Variants in MYO9A observed in about 807,000 individuals in gnomAD.
MYO9A encodes the protein myosin IXA, also known as unconventional myosin-IXa.
MYO9A carries 103 observed loss-of-function variants against 293.3 expected under a neutral mutation model. The observed-to-expected ratio is 0.35, with a 90% CI of 0.30 to 0.41. The LOEUF is 0.41. Ranked by LOEUF, MYO9A falls within the 10% of genes least tolerant of loss-of-function variation. MYO9A has a pLI of 1.00. For missense variants in MYO9A, 2,685 were observed against 3,033.0 expected (o/e 0.89, Z 2.69); for synonymous variants, 1,001 against 1,035.7 (o/e 0.97, Z 0.64).
intron 15 of MYO9A, among the ~76,000 whole-genome samples, chr15:71,944,061 G>C (rs1025086189): frequency 6.6e-6 from 1 of 151,992 alleles, no homozygotes; most frequent in East Asian, 1.9e-4. Context: ...CACTATAGAC[G>C]TATTAGTGAC....
chr15:72,021,021 T>G lies in MYO9A; in HGVS notation c.999-4A>C. The G allele has an allele frequency of 2.6e-6, 4 of 1,540,258 alleles. No homozygotes were observed. Among genetic ancestry groups the G allele is most frequent in the Non-Finnish European group, 3.5e-6 (4 of 1,147,018 alleles). ...GTAATAGAATACATGATAGTTCCTGTGGGAAACAAAGAAGTACAAGTTTCA... is the reference window on the plus strand; with the variant it reads ...GTAATAGAATACATGATAGTTCCTGGGGGAAACAAAGAAGTACAAGTTTCA... On this transcript the variant is annotated splice_region_variant and splice_polypyrimidine_tract_variant and intron_variant, in intron 4 of 41. Coordinates refer to ENST00000356056, the MANE Select transcript of MYO9A (RefSeq NM_006901.4).
chr15:71,857,155 A>C (rs2055896341), intron 34 of MYO9A, among the ~76,000 whole-genome samples: 1 of 152,220 alleles, frequency 6.6e-6, no homozygotes. Flanking sequence ...TTAGGTATTA[A>C]ACAAAAACTT....
intron 1 of MYO9A, among the ~76,000 whole-genome samples, chr15:72,068,585 C>A (rs1056049731): frequency 3.3e-5 from 5 of 152,024 alleles, no homozygotes; most frequent in African/African-American, 1.2e-4. Flanking sequence ...CCCACCTCAG[C>A]CCCCCAGGTA....
chr15:72,078,752 A>C (rs1156459084), intron 1 of MYO9A, among the ~76,000 whole-genome samples: 1 of 152,256 alleles, frequency 6.6e-6, no homozygotes, highest in Non-Finnish European at 1.5e-5. Flanking sequence ...TCAAAAGGTG[A>C]ATAAACAAAC....
chr15:72,030,884 G>C (rs1019523072), intron 3 of MYO9A, among the ~76,000 whole-genome samples: 2 of 152,078 alleles, frequency 1.3e-5, no homozygotes, highest in Non-Finnish European at 2.9e-5. Context: ...AGAAGACAGG[G>C]GGCCCCAACC....
At chr15:72,041,473 T>C in intron 2 of MYO9A, 1 of 358,446 alleles carries the variant, frequency 2.8e-6, no homozygotes, top group South Asian at 2.2e-5. Context: ...AAAACAGCAA[T>C]TCCAACAAGG....
At chr15:71,873,335 T>C (rs1205967298) in intron 32 of MYO9A, among the ~76,000 whole-genome samples, 1 of 152,208 alleles carries the variant, frequency 6.6e-6, no homozygotes, top group Non-Finnish European at 1.5e-5. Flanking sequence ...TCCCAATCTA[T>C]TTAGGTTGTT....
chr15:71,902,668 T>G (rs1035685450), intron 22 of MYO9A, among the ~76,000 whole-genome samples: 10 of 152,164 alleles, frequency 6.6e-5, no homozygotes, highest in African/African-American at 2.4e-4. Flanking sequence ...TGAATCTGGA[T>G]ATGGTCACCT....
In MYO9A at chr15:72,019,081, G is replaced by C. The variant is rs779828950; in HGVS notation, c.1113C>G (p.Pro371=). Residue 371 remains proline (P), a synonymous_variant, in exon 6 of 42, where the codon CCC becomes CCG. Coordinates refer to ENST00000356056, the MANE Select transcript of MYO9A (RefSeq NM_006901.4). ...YHYLNQITKK[P]LRQSWDDYCY... ...AATAATCATCCCAGCTCTGTCTGAG[G>C]GGTTTCTTTGTTATCTGAAAGTAAG... The C allele has an allele frequency of 1.9e-6, 3 of 1,613,680 alleles. No homozygotes were observed. The highest frequency in any genetic ancestry group is 2.5e-6 in the Non-Finnish European group (3 of 1,179,712).
At chr15:72,067,403 C>T (rs1264700869) in intron 1 of MYO9A, among the ~76,000 whole-genome samples, 1 of 152,012 alleles carries the variant, frequency 6.6e-6, no homozygotes, top group African/African-American at 2.4e-5. Flanking sequence ...TCCGCCTCAG[C>T]CTCCCGAGCA....
intron 13 of MYO9A, among the ~76,000 whole-genome samples, chr15:71,962,532 C>CAA (rs1472919137): frequency 2.6e-5 from 4 of 152,128 alleles, no homozygotes; most frequent in Non-Finnish European, 5.9e-5. Context: ...TAAGAGTACT[C>CAA]AAATCCAAAT....
In MYO9A at chr15:71,871,502, C is replaced by G. The variant is rs954127843; in HGVS notation, c.5979+4289G>C. On this transcript the variant is annotated intron_variant, in intron 32 of 41. Coordinates refer to ENST00000356056, the MANE Select transcript of MYO9A (RefSeq NM_006901.4). ...TTGAGCCCAGGAGTTTGAGACCAGC[C>G]TGGGCCCCATGGTGAAACCCCATCT... 8.6e-5 allele frequency among the ~76,000 whole-genome samples: 13 copies of G among 151,890 alleles called. 1 individual carries two copies. Among genetic ancestry groups the G allele is most frequent in the Non-Finnish European group, 2.9e-5 (2 of 67,984 alleles).
chr15:72,063,350 T>G (rs1033580400), intron 1 of MYO9A, among the ~76,000 whole-genome samples: 1 of 152,168 alleles, frequency 6.6e-6, no homozygotes, highest in Admixed American at 6.5e-5. Context: ...AAAGATTTGT[T>G]GAGTAATACC....
At chr15:72,031,937 C>T (rs1172975858) in intron 3 of MYO9A, among the ~76,000 whole-genome samples, 1 of 152,000 alleles carries the variant, frequency 6.6e-6, no homozygotes, top group East Asian at 1.9e-4. Context: ...GACAGAGTCT[C>T]GCTCTGTCGC....
chr15:71,840,910 C>T lies in MYO9A; in HGVS notation c.6837+7935G>A, dbSNP rs534262965. Among the ~76,000 whole-genome samples the T allele has an allele frequency of 7.2e-5, 11 of 152,322 alleles. No homozygotes were observed. In the East Asian group the frequency reaches 1.2e-3, roughly 16 times the overall value. On this transcript the variant is annotated intron_variant, in intron 39 of 41. Coordinates refer to ENST00000356056, the MANE Select transcript of MYO9A (RefSeq NM_006901.4). ...CCTCCCAAAGTGCTGCGATTACAGGCGTGAGCCGCCGTGCCCAGCCTTAAG... is the reference window on the plus strand; with the variant it reads ...CCTCCCAAAGTGCTGCGATTACAGGTGTGAGCCGCCGTGCCCAGCCTTAAG...
At chr15:72,112,256 G>A (rs2080806093) in intron 1 of MYO9A, among the ~76,000 whole-genome samples, 1 of 152,034 alleles carries the variant, frequency 6.6e-6, no homozygotes, top group African/African-American at 2.4e-5. Context: ...TTTTTAGCAA[G>A]CCAGCTGTCT....
At chr15:71,887,843 T>C (rs530339269) in intron 27 of MYO9A, among the ~76,000 whole-genome samples, 161 bp downstream of exon 27, 3 of 152,182 alleles carry the variant, frequency 2.0e-5, no homozygotes, top group African/African-American at 4.8e-5. Context: ...TATGTGCCTA[T>C]AAACAGTAGG....
intron 15 of MYO9A, among the ~76,000 whole-genome samples, chr15:71,949,156 G>A (rs1411464299): frequency 1.3e-5 from 2 of 151,834 alleles, no homozygotes; most frequent in Admixed American, 1.3e-4. Context: ...GTTTTCCTTC[G>A]TATTTACCCT....
intron 18 of MYO9A, among the ~76,000 whole-genome samples, chr15:71,931,943 T>C (rs977995967): frequency 1.3e-5 from 2 of 152,034 alleles, no homozygotes; most frequent in Non-Finnish European, 2.9e-5. Flanking sequence ...GAAATTAGGA[T>C]GTGCCAAGTT....
Sources: gnomAD v4.1 joint callset for allele counts (sites outside exome capture counted in the v4.1 genomes callset) on GRCh38, gnomAD v4.1.1 for gene constraint, MANE v1.5 for transcripts, NCBI Gene and HGNC (gene_info 2026-07-23, HGNC 2026-07-21) for gene names.